NR1H2: variants seen among roughly 807,000 people sequenced by gnomAD.
The protein encoded by NR1H2 is nuclear receptor subfamily 1 group H member 2, also known as oxysterols receptor LXR-beta.
In NR1H2, 33 loss-of-function variants were observed where a neutral mutation model predicts 51.2. That is an observed-to-expected ratio of 0.64 (90% confidence interval 0.49 to 0.86). The LOEUF (loss-of-function observed/expected upper bound fraction) is 0.86. NR1H2 is among the 40% of genes least tolerant of loss of function. NR1H2 has a pLI of 0.00. For synonymous variants in NR1H2, 310 were observed against 264.3 expected (o/e 1.17, Z -1.68); for missense variants, 592 against 639.9 (o/e 0.93, Z 0.81).
At position 50,378,593 on chromosome 19, in the gene NR1H2, C is replaced by T. The variant is rs1355042447; in HGVS notation, c.544C>T (p.Gln182Ter). The change falls in exon 6 of 10, where the codon CAG (glutamine) becomes TAG (stop). Residue 182 changes from glutamine (Q) to a stop codon, truncating the protein, a stop_gained. Transcript: ENST00000253727. LOFTEE classifies it high-confidence loss of function. ...GCAGCAGGAGTCACAGTCACAGTCG[C>T]AGTCACCTGTGGGGCCGCAGGGCAG... ...KQQQESQSQSQSPVGPQGSSS... is the reference protein window; with the variant it reads ...KQQQESQSQS 6.2e-7 allele frequency: 1 copy of T among 1,613,988 alleles called. No individual in the cohort carries two copies. The highest frequency in any genetic ancestry group is 2.2e-5 in the East Asian group (1 of 44,888).
In NR1H2 at chr19:50,378,943, G is replaced by A. The variant is rs549474134; in HGVS notation, c.748-59G>A. On this transcript the variant is annotated intron_variant, in intron 6 of 9. Transcript: ENST00000253727. ...CAGGGTGCAGGCTTGGCCTCAAGGT[G>A]GCCACCCAGACTTAGGCTCACAAAG... 3.3e-5 allele frequency: 51 copies of A among 1,555,302 alleles called. No homozygotes were observed. In the South Asian group the frequency reaches 6.1e-4, roughly 19 times the overall value.
In NR1H2 at chr19:50,377,736, A is replaced by G. The variant is rs1231846119; in HGVS notation, c.47A>G (p.Asn16Ser). Residue 16 changes from asparagine (N) to serine (S), a missense_variant, in exon 4 of 10, where the codon AAT (asparagine) becomes AGT (serine). By Grantham distance (46) the Asn-to-Ser change is conservative (BLOSUM62 1). Around this residue, in one of 3 missense-constraint regions of NR1H2, gnomAD observed 316 missense variants for 313.4 expected, o/e 1.01. Coordinates refer to ENST00000253727, the MANE Select transcript of NR1H2 (RefSeq NM_007121.7). ...CCCGGATTCCACCCTCTTCCAGGAA[A>G]TGGCCCCCCTCAGCCTGGCGCCCCT... The part of the protein sequence containing the change: ...TSSLDTPLPG[N>S]GPPQPGAPSS... 6.2e-7 allele frequency: 1 copy of G among 1,605,670 alleles called. No individual in the cohort carries two copies.
In NR1H2 at chr19:50,378,351, C is replaced by T. The variant is rs746559346; in HGVS notation, c.384C>T (p.Gly128=). Reference sequence around the variant, plus strand: ...CCAGGCGCTATGCCTGCCGGGGTGGCGGAACCTGCCAGATGGACGCTTTCA... The same window carrying T: ...CCAGGCGCTATGCCTGCCGGGGTGGTGGAACCTGCCAGATGGACGCTTTCA... ...GGARRYACRG[G]GTCQMDAFMR... is the part of the protein sequence containing the mutation. The change falls in exon 5 of 10, where the codon GGC becomes GGT. Residue 128 remains glycine (G), a synonymous_variant. Transcript: ENST00000253727. 1.3e-5 allele frequency: 21 copies of T among 1,611,754 alleles called. No homozygotes were observed. Among genetic ancestry groups the T allele is most frequent in the South Asian group, 1.2e-4 (11 of 91,064 alleles).
At chr19:50,378,473 GC>G (rs1568594382) in intron 5 of NR1H2, 34 bp downstream of exon 5, 2 of 1,572,102 alleles carry the variant, frequency 1.3e-6, no homozygotes, top group South Asian at 1.2e-5. Context: ...TGCCGGCCTG[GC>G]CCCCCGCCTA....
intron 4 of NR1H2, 56 bp from the exon 5 acceptor site, chr19:50,378,093 C>T: frequency 1.9e-6 from 3 of 1,550,098 alleles, no homozygotes; most frequent in African/African-American, 1.4e-5. Flanking sequence ...GGGCCCATCT[C>T]TCTGGTTCCT....
chr19:50,380,932 T>A (rs767684443), intron 8 of NR1H2, among the ~76,000 whole-genome samples: 7 of 152,162 alleles, frequency 4.6e-5, no homozygotes, highest in Non-Finnish European at 8.8e-5. Context: ...CTGTCAGCAC[T>A]TAAGGCTGCC....
At chr19:50,378,018 C>A in intron 4 of NR1H2, 131 bp from the exon 5 acceptor site, 14 of 1,421,088 alleles carry the variant, frequency 9.9e-6, no homozygotes, top group Non-Finnish European at 1.3e-5. Flanking sequence ...TTGCAATTTC[C>A]CTGAATGTGA....
Position 50,382,069 on chromosome 19 carries a change from C to T in NR1H2, c.1131C>T (p.Ile377=). 1 of 1,554,786 alleles carries T rather than the reference C, an allele frequency of 6.4e-7. No homozygotes were observed. The highest frequency in any genetic ancestry group is 8.7e-7 in the Non-Finnish European group (1 of 1,149,616). ...ACGCCCTGCTCATCGCCATCAACATCTTCTCGGCCGACCGGCCCAACGTGC... is the reference window on the plus strand; with the variant it reads ...ACGCCCTGCTCATCGCCATCAACATTTTCTCGGCCGACCGGCCCAACGTGC... ...AEYALLIAIN[I]FSADRPNVQE... is the part of the protein sequence containing the mutation. The change falls in exon 9 of 10, where the codon ATC becomes ATT. Residue 377 remains isoleucine (I), a synonymous_variant. Coordinates refer to ENST00000253727, the MANE Select transcript of NR1H2 (RefSeq NM_007121.7).
At position 50,382,506 on chromosome 19, in the gene NR1H2, G is replaced by A. The variant is rs751417961; in HGVS notation, c.1287G>A (p.Thr429=). ...TCATGAAGCTGGTGAGCCTGCGCAC[G>A]CTGAGCTCTGTGCACTCGGAGCAGG... ...RMLMKLVSLR[T]LSSVHSEQVF... The change falls in exon 10 of 10, where the codon ACG becomes ACA. Residue 429 remains threonine (T), a synonymous_variant. Transcript: ENST00000253727. 7 of 1,610,830 alleles carry A rather than the reference G, an allele frequency of 4.3e-6. No homozygotes were observed. In the Admixed American group the frequency reaches 5.0e-5, roughly 12 times the overall value.
Position 50,382,453 on chromosome 19 carries a change from C to T in NR1H2, c.1237-3C>T. On this transcript the variant is annotated splice_polypyrimidine_tract_variant and splice_region_variant and intron_variant, in intron 9 of 9. Transcript: ENST00000253727. ...GCCAGCGCCCACCTGCCTCCTCCCT[C>T]AGGACCAGCTGCGCTTCCCGCGCAT... 1 of 1,591,036 alleles carries T rather than the reference C, an allele frequency of 6.3e-7. No individual in the cohort carries two copies. The highest frequency in any genetic ancestry group is 8.5e-7 in the Non-Finnish European group (1 of 1,171,716).
At chr19:50,381,923 G>C in intron 8 of NR1H2, 43 bp from the exon 9 acceptor site, 2 of 1,500,944 alleles carry the variant, frequency 1.3e-6, no homozygotes, top group Middle Eastern at 1.9e-4. Context: ...TGTGGGGCAC[G>C]GTTTCGGGCT....
rs200672689 is a variant in NR1H2, at chr19:50,378,711, C to T, written c.662C>T (p.Ala221Val). 39 of 1,613,762 alleles carry T rather than the reference C, an allele frequency of 2.4e-5. No homozygotes were observed. Among genetic ancestry groups the T allele is most frequent in the Non-Finnish European group, 3.1e-5 (37 of 1,180,024 alleles). Residue 221 changes from alanine to valine, a missense_variant, in exon 6 of 10, where the codon GCG becomes GTG. Around this residue, in one of 3 missense-constraint regions of NR1H2, gnomAD observed 316 missense variants for 313.4 expected, o/e 1.01. Coordinates refer to ENST00000253727, the MANE Select transcript of NR1H2 (RefSeq NM_007121.7). ...SGEGEGVQLT[A>V]AQELMIQQLV... ...GAAGGCGAGGGTGTCCAGCTAACAG[C>T]GGCTCAAGAACTAATGATCCAGCAG...
rs757847953 is a variant in NR1H2 at position 50,379,133 on chromosome 19, G to T, written c.879G>T (p.Gln293His). 1.2e-6 allele frequency: 2 copies of T among 1,613,950 alleles called. No homozygotes were observed. The highest frequency in any genetic ancestry group is 1.7e-6 in the Non-Finnish European group (2 of 1,179,998). Residue 293 changes from glutamine to histidine, a missense_variant, in exon 7 of 10, where the codon CAG becomes CAT. Coordinates refer to ENST00000253727, the MANE Select transcript of NR1H2 (RefSeq NM_007121.7). ...CTAAGCAAGTGCCTGGTTTCCTGCAGCTGGGCCGGGAGGACCAGATCGCCC... is the reference window on the plus strand; with the variant it reads ...CTAAGCAAGTGCCTGGTTTCCTGCATCTGGGCCGGGAGGACCAGATCGCCC... ...DFAKQVPGFLQLGREDQIALL... is the reference protein window; with the variant it reads ...DFAKQVPGFLHLGREDQIALL...
chr19:50,378,627 C>T lies in NR1H2; in HGVS notation c.578C>T (p.Ser193Leu). Residue 193 changes from serine to leucine, a missense_variant, in exon 6 of 10, where the codon TCA becomes TTA. By Grantham distance (145) the Ser-to-Leu change is moderately radical (BLOSUM62 -2). Around this residue, in one of 3 missense-constraint regions of NR1H2, gnomAD observed 316 missense variants for 313.4 expected, o/e 1.01. Transcript: ENST00000253727. ...SPVGPQGSSS[S>L]ASGPGASPGG... The stretch of plus-strand genomic sequence containing the variant: ...GTGGGGCCGCAGGGCAGCAGCAGCT[C>T]AGCCTCTGGGCCTGGGGCTTCCCCT... The T allele has an allele frequency of 6.2e-7, 1 of 1,614,130 alleles. No homozygotes were observed. The highest frequency in any genetic ancestry group is 8.5e-7 in the Non-Finnish European group (1 of 1,180,036).
chr19:50,377,266 G>A, intron 2 of NR1H2: 1 of 309,640 alleles, frequency 3.2e-6, no homozygotes, highest in East Asian at 6.1e-5. Context: ...GAAACTACAT[G>A]GCATGGAGGC....
At position 50,378,195 on chromosome 19, in the gene NR1H2, C is replaced by G; in HGVS notation, c.228C>G (p.Gly76=). The stretch of plus-strand genomic sequence containing the variant: ...AACCAGAGCGCAAGCGAAAGAAGGG[C>G]CCAGCCCCGAAGATGCTGGGCCACG... ...EEEPERKRKK[G]PAPKMLGHEL... is the part of the protein sequence containing the mutation. The change falls in exon 5 of 10, where the codon GGC becomes GGG. Residue 76 remains glycine (G), a synonymous_variant. Coordinates refer to ENST00000253727, the MANE Select transcript of NR1H2 (RefSeq NM_007121.7). 1 of 1,613,434 alleles carries G rather than the reference C, an allele frequency of 6.2e-7. No individual in the cohort carries two copies. Among genetic ancestry groups the G allele is most frequent in the Non-Finnish European group, 8.5e-7 (1 of 1,179,906 alleles).
chr19:50,377,807 G>A lies in NR1H2; in HGVS notation c.118G>A (p.Gly40Arg), dbSNP rs373906062. The A allele has an allele frequency of 8.1e-6, 13 of 1,609,200 alleles. No homozygotes were observed. The highest frequency in any genetic ancestry group is 1.7e-4 in the Middle Eastern group (1 of 6,056). The change falls in exon 4 of 10, where the codon GGG (glycine) becomes AGG (arginine). Residue 40 changes from glycine to arginine, a missense_variant. By Grantham distance (125) the Gly-to-Arg change is moderately radical. Coordinates refer to ENST00000253727, the MANE Select transcript of NR1H2 (RefSeq NM_007121.7). Reference sequence around the variant, plus strand: ...GGAGGAGGGTCCGGAGCCGTGGCCCGGGGGTCCGGACCCTGATGTCCCAGG... The same window carrying A: ...GGAGGAGGGTCCGGAGCCGTGGCCCAGGGGTCCGGACCCTGATGTCCCAGG... ...VKEEGPEPWPGGPDPDVPGTD... is the reference protein window; with the variant it reads ...VKEEGPEPWPRGPDPDVPGTD...
chr19:50,382,747 C>A lies in NR1H2; in HGVS notation c.*145C>A. On this transcript the variant is annotated 3_prime_UTR_variant, in exon 10 of 10. Coordinates refer to ENST00000253727, the MANE Select transcript of NR1H2 (RefSeq NM_007121.7). ...CTCATCCCTTGGGATAAGCCCCAGT[C>A]CAGGTCCAGGAGGCTCCCTCCCTGC... 1.2e-6 allele frequency: 1 copy of A among 847,650 alleles called. No individual in the cohort carries two copies. Among genetic ancestry groups the A allele is most frequent in the Non-Finnish European group, 1.7e-6 (1 of 573,460 alleles). The allele number at this position is 847,650 out of a possible 1,614,324, so 52.5% of individuals were successfully genotyped here. A position where few individuals can be genotyped will look rare whatever the true frequency, so the allele number is the denominator to read the frequency against.
chr19:50,382,709 A>G lies in NR1H2; in HGVS notation c.*107A>G. 1.6e-6 allele frequency: 2 copies of G among 1,224,362 alleles called. No homozygotes were observed. The highest frequency in any genetic ancestry group is 2.5e-5 in the Admixed American group (1 of 40,158). The allele number at this position is 1,224,362 out of a possible 1,614,324, so 75.8% of individuals were successfully genotyped here. A position where few individuals can be genotyped will look rare whatever the true frequency, so the allele number is the denominator to read the frequency against. On this transcript the variant is annotated 3_prime_UTR_variant, in exon 10 of 10. Transcript: ENST00000253727. ...GGAAGGGGCCCTGGGCCGAGCCTGT[A>G]GACCTATCGGCTCTCATCCCTTGGG...
Sources: allele counts gnomAD v4.1 joint callset (sites outside exome capture counted in the v4.1 genomes callset), GRCh38; gene constraint gnomAD v4.1.1; regional missense constraint gnomAD v4.1.1; transcripts MANE v1.5; gene names NCBI Gene and HGNC (gene_info 2026-07-23, HGNC 2026-07-21).